HECW2: variants seen among roughly 807,000 people sequenced by gnomAD.
HECW2 encodes HECT, C2 and WW domain containing E3 ubiquitin protein ligase 2, also known as E3 ubiquitin-protein ligase HECW2.
A neutral mutation model predicts 175.2 loss-of-function variants in HECW2; 61 were observed. The observed-to-expected ratio is 0.35, with a 90% CI of 0.28 to 0.43. The LOEUF (loss-of-function observed/expected upper bound fraction) is 0.43, where lower values mean the gene tolerates loss of function less well. Ranked by LOEUF, HECW2 falls within the 20% of genes least tolerant of loss-of-function variation. The pLI is 1.00. For missense variants in HECW2, 1,524 were observed against 2,000.5 expected (o/e 0.76, Z 4.54); for synonymous variants, 671 against 731.0 (o/e 0.92, Z 1.32).
chr2:196,332,353 C>T (rs1692395777), intron 4 of HECW2, among the ~76,000 whole-genome samples: 1 of 152,160 alleles, frequency 6.6e-6, no homozygotes, highest in South Asian at 2.1e-4. Context: ...TCCTGATCCC[C>T]AAAATGAGGT....
intron 1 of HECW2, among the ~76,000 whole-genome samples, chr2:196,443,571 G>T (rs1293238588): frequency 6.6e-6 from 1 of 152,314 alleles, no homozygotes; most frequent in East Asian, 1.9e-4. Context: ...TTAGGAAAAT[G>T]AAAGCCAAAA....
At chr2:196,228,397 T>G in intron 21 of HECW2, 143 bp from the exon 22 acceptor site, 1 of 720,192 alleles carries the variant, frequency 1.4e-6, no homozygotes, top group South Asian at 2.0e-5. Context: ...ACAAACTGAA[T>G]GATCATAGTT....
At chr2:196,313,036 G>A (rs1032767359) in intron 10 of HECW2, among the ~76,000 whole-genome samples, 1 of 152,038 alleles carries the variant, frequency 6.6e-6, no homozygotes, top group Non-Finnish European at 1.5e-5. Context: ...CTAACAATAT[G>A]CAACATCCTG....
In HECW2 at chr2:196,195,071, A is replaced by G. The variant is rs1344773602; in HGVS notation, c.*6206T>C. On this transcript the variant is annotated 3_prime_UTR_variant, in exon 29 of 29. Transcript: ENST00000644978. ...CATGTAATTTTAAGCACTTTCCAAC[A>G]TATTAACAGCCCCAAATTTTACTTA... 1 of 152,224 alleles carries G rather than the reference A, an allele frequency of 6.6e-6. No individual in the cohort carries two copies. The highest frequency in any genetic ancestry group is 1.5e-5 in the Non-Finnish European group (1 of 68,034). 9.4% of individuals were successfully genotyped at this position (152,224 alleles called of 1,614,324 possible).
At chr2:196,388,127 CTA>C (rs1694403015) in intron 2 of HECW2, among the ~76,000 whole-genome samples, 1 of 151,536 alleles carries the variant, frequency 6.6e-6, no homozygotes, top group South Asian at 2.1e-4. Context: ...CTCATCTCTA[CTA>C]AAAAAAAAAA....
chr2:196,385,529 A>C (rs1694321706), intron 2 of HECW2, among the ~76,000 whole-genome samples: 1 of 152,128 alleles, frequency 6.6e-6, no homozygotes, highest in Admixed American at 6.5e-5. Flanking sequence ...CTGATACCAA[A>C]AGCCTCTTAT....
chr2:196,285,179 A>T (rs929679946), intron 14 of HECW2, among the ~76,000 whole-genome samples: 4 of 152,170 alleles, frequency 2.6e-5, no homozygotes, highest in Admixed American at 1.3e-4. Context: ...TTCTTTTTTT[A>T]AAAAAACTTC....
intron 1 of HECW2, among the ~76,000 whole-genome samples, chr2:196,562,576 A>G (rs546419761): frequency 6.6e-6 from 1 of 152,354 alleles, no homozygotes; most frequent in East Asian, 1.9e-4. Flanking sequence ...AATGAGCACA[A>G]GTAAACCCCA....
chr2:196,491,041 C>G (rs1427126224), intron 1 of HECW2, among the ~76,000 whole-genome samples: 1 of 152,058 alleles, frequency 6.6e-6, no homozygotes, highest in Non-Finnish European at 1.5e-5. Flanking sequence ...CATGCTTATA[C>G]AACTCAGAGA....
chr2:196,442,194 C>A (rs191971905), intron 1 of HECW2, among the ~76,000 whole-genome samples: 16 of 151,710 alleles, frequency 1.1e-4, no homozygotes, highest in Admixed American at 2.6e-4. Context: ...ATTTTTAATT[C>A]AATTATTTAA....
At chr2:196,210,285 T>C (rs1559436670) in intron 28 of HECW2, among the ~76,000 whole-genome samples, 1 of 152,118 alleles carries the variant, frequency 6.6e-6, no homozygotes, top group Non-Finnish European at 1.5e-5. Context: ...TGTGTATGTG[T>C]GTGTCTGTGT....
chr2:196,465,961 T>C (rs901943583), intron 1 of HECW2, among the ~76,000 whole-genome samples: 4 of 152,174 alleles, frequency 2.6e-5, no homozygotes, highest in African/African-American at 9.6e-5. Flanking sequence ...TCACAGGCTG[T>C]CCAAATATGT....
intron 1 of HECW2, among the ~76,000 whole-genome samples, chr2:196,463,297 C>G (rs1696818301): frequency 6.6e-6 from 1 of 151,554 alleles, no homozygotes; most frequent in African/African-American, 2.4e-5. Flanking sequence ...AAAAATACCA[C>G]AGAGCTGCCT....
At chr2:196,376,387 T>C (rs113190725) in intron 2 of HECW2, among the ~76,000 whole-genome samples, 1 of 152,156 alleles carries the variant, frequency 6.6e-6, no homozygotes, top group Non-Finnish European at 1.5e-5. Context: ...TCCCAGCACT[T>C]TGGGAGGCCG....
At chr2:196,310,649 A>T (rs1172148082) in intron 10 of HECW2, among the ~76,000 whole-genome samples, 2 of 152,250 alleles carry the variant, frequency 1.3e-5, no homozygotes, top group Non-Finnish European at 1.5e-5. Context: ...TCAGATAGAC[A>T]ATGCTAAAAT....
intron 2 of HECW2, among the ~76,000 whole-genome samples, chr2:196,373,809 G>C (rs1223695991): frequency 2.6e-5 from 4 of 152,100 alleles, no homozygotes; most frequent in African/African-American, 9.7e-5. Context: ...GAGGCGGGCA[G>C]ATCACGAGGT....
intron 19 of HECW2, among the ~76,000 whole-genome samples, chr2:196,252,178 AAATAATAAT>A (rs10666310): frequency 7.6e-4 from 101 of 133,244 alleles, no homozygotes; most frequent in African/African-American, 1.4e-3. Flanking sequence ...CTCCGATTCA[AAATAATAAT>A]AATAATAATA....
intron 1 of HECW2, among the ~76,000 whole-genome samples, chr2:196,510,272 T>C (rs944434270): frequency 2.6e-5 from 4 of 152,152 alleles, no homozygotes; most frequent in Non-Finnish European, 4.4e-5. Context: ...TCTGTACTTG[T>C]AGTTGCAGAC....
At chr2:196,312,062 C>T (rs1334043436) in intron 10 of HECW2, among the ~76,000 whole-genome samples, 1 of 152,112 alleles carries the variant, frequency 6.6e-6, no homozygotes, top group African/African-American at 2.4e-5. Context: ...GTGGGAAGGG[C>T]GCAGGGTTGT....
Sources: allele counts gnomAD v4.1 joint callset (sites outside exome capture counted in the v4.1 genomes callset), GRCh38; gene constraint gnomAD v4.1.1; transcripts MANE v1.5; gene names NCBI Gene and HGNC (gene_info 2026-07-23, HGNC 2026-07-21).